Variants in CLN8 observed in about 807,000 individuals in gnomAD.
The protein encoded by CLN8 is protein CLN8.
A neutral mutation model predicts 15.7 loss-of-function variants in CLN8; 14 were observed. The observed-to-expected ratio is 0.89, with a 90% CI of 0.59 to 1.39. The LOEUF is 1.39. Among genes scored for constraint, CLN8 ranks in the 40% most tolerant of loss-of-function variants. The pLI, the probability that CLN8 is intolerant of heterozygous loss-of-function variation, is 0.00. For synonymous variants in CLN8, 188 were observed against 151.0 expected, an observed-to-expected ratio of 1.25 and a Z score of -1.80; for missense variants, 415 against 364.0, an observed-to-expected ratio of 1.14 and a Z score of -1.14.
At chr8:1,757,813 T>C (rs1014952069) in intron 1 of CLN8, among the ~76,000 whole-genome samples, 5 of 152,172 alleles carry the variant, frequency 3.3e-5, no homozygotes, top group African/African-American at 1.2e-4. Flanking sequence ...GATTTAAGGC[T>C]TCTTTGGGTA....
At chr8:1,766,017 C>T (rs1014365911) in intron 1 of CLN8, among the ~76,000 whole-genome samples, 5 of 152,172 alleles carry the variant, frequency 3.3e-5, no homozygotes, top group Admixed American at 2.0e-4. Flanking sequence ...CCCCATAAAC[C>T]GGAGGAGCGC....
rs1174196831 is a variant in CLN8, at chr8:1,783,862, C to T, written c.*3295C>T. On this transcript the variant is annotated 3_prime_UTR_variant, in exon 3 of 3. Coordinates refer to ENST00000331222, the MANE Select transcript of CLN8 (RefSeq NM_018941.4). ...CAAGGTGACGCAACTCGTGAACAGC[C>T]GTGCCTGCCTTGGGCGCAGCCTCCG... 1.3e-5 allele frequency: 2 copies of T among 152,258 alleles called. No homozygotes were observed. The highest frequency in any genetic ancestry group is 2.4e-5 in the African/African-American group (1 of 41,462). The allele number at this position is 152,258 out of a possible 1,614,324, so 9.4% of individuals were successfully genotyped here.
chr8:1,771,645 T>A, intron 2 of CLN8, 48 bp downstream of exon 2: 2 of 1,549,802 alleles, frequency 1.3e-6, no homozygotes, highest in Non-Finnish European at 1.8e-6. Context: ...ACGCATTTAA[T>A]CACTGGCTAC....
chr8:1,785,057 A>T lies in CLN8; in HGVS notation c.*4490A>T, dbSNP rs1228289029. On this transcript the variant is annotated 3_prime_UTR_variant, in exon 3 of 3. Transcript: ENST00000331222. ...TAGCATGCCAAAAGTTTCCTCCATTATGTGCGTGTCAAGTGTTTGACCAGG... is the reference window on the plus strand; with the variant it reads ...TAGCATGCCAAAAGTTTCCTCCATTTTGTGCGTGTCAAGTGTTTGACCAGG... The T allele has an allele frequency of 6.6e-6, 1 of 152,632 alleles. No homozygotes were observed. The highest frequency in any genetic ancestry group is 2.0e-4 in the South Asian group (1 of 4,882). 9.5% of individuals were successfully genotyped at this position (152,632 alleles called of 1,614,324 possible).
intron 2 of CLN8, among the ~76,000 whole-genome samples, chr8:1,772,367 C>T (rs1313304128): frequency 1.3e-5 from 2 of 152,316 alleles, no homozygotes; most frequent in East Asian, 3.9e-4. Flanking sequence ...ATTTGCCTAG[C>T]ACTTTCTTTC....
At chr8:1,775,028 A>G (rs6991783) in intron 2 of CLN8, among the ~76,000 whole-genome samples, 125,078 of 151,810 alleles carry the variant, frequency 0.82, 51,946 homozygotes, top group African/African-American at 0.9. Context: ...GTATATATAC[A>G]TGTGTGTGTA....
intron 2 of CLN8, among the ~76,000 whole-genome samples, chr8:1,777,742 G>T: frequency 6.6e-6 from 1 of 152,102 alleles, no homozygotes; most frequent in African/African-American, 2.4e-5. Flanking sequence ...AGACTTCAGG[G>T]GCAGTAACAG....
exon 1 of CLN8, chr8:1,755,964 T>G (rs1219675599): frequency 6.6e-6 from 1 of 152,214 alleles, no homozygotes; most frequent in Non-Finnish European, 1.5e-5. Flanking sequence ...AATTGGAATT[T>G]TATTTCCTAA....
In CLN8 at chr8:1,771,083, C is replaced by T. The variant is rs1454175058; in HGVS notation, c.29C>T (p.Ser10Leu). 2 of 1,614,056 alleles carry T rather than the reference C, an allele frequency of 1.2e-6. No homozygotes were observed. Among genetic ancestry groups the T allele is most frequent in the Non-Finnish European group, 1.7e-6 (2 of 1,180,028 alleles). ...AATCCTGCGAGCGATGGGGGCACAT[C>T]AGAGAGCATTTTTGACCTGGACTAT... MNPASDGGT[S>L]ESIFDLDYAS... Residue 10 changes from serine (S) to leucine (L), a missense_variant, in exon 2 of 3, where the codon TCA becomes TTA. Transcript: ENST00000331222.
At chr8:1,757,219 G>A (rs1400806057) in intron 1 of CLN8, among the ~76,000 whole-genome samples, 2 of 152,154 alleles carry the variant, frequency 1.3e-5, no homozygotes, top group Non-Finnish European at 2.9e-5. Context: ...CATTGCCGTG[G>A]GGCTGCCCTG....
At chr8:1,763,712 G>A (rs1800908947), upstream of CLN8, 1 of 127,216 alleles carries the variant, frequency 7.9e-6, no homozygotes, top group East Asian at 2.1e-4. Flanking sequence ...GCCTCTCGTA[G>A]CGACGCCCCC....
At chr8:1,762,785 C>G (rs1800832064), upstream of CLN8, 1 of 152,274 alleles carries the variant, frequency 6.6e-6, no homozygotes, top group African/African-American at 2.4e-5. Context: ...ATACCCTCAG[C>G]TCCATTAGCC....
chr8:1,769,835 C>T (rs925150810), intron 1 of CLN8, among the ~76,000 whole-genome samples: 37 of 152,136 alleles, frequency 2.4e-4, no homozygotes, highest in Non-Finnish European at 1.3e-4. Flanking sequence ...AGTGCTGCAT[C>T]AGGCAGAGGA....
At chr8:1,753,991 A>G (rs1800610939), upstream of CLN8, among the ~76,000 whole-genome samples, 1 of 152,170 alleles carries the variant, frequency 6.6e-6, no homozygotes. Context: ...AGGAAAGCAA[A>G]AGGATAAGCT....
In CLN8 at chr8:1,766,560, T is replaced by G. The variant is rs1164618297; in HGVS notation, c.-124+2675T>G. Among the ~76,000 whole-genome samples the G allele has an allele frequency of 6.6e-5, 10 of 151,978 alleles. No individual in the cohort carries two copies. The South Asian group carries it at 2.1e-3, about 32-fold the overall frequency. On this transcript the variant is annotated intron_variant, in intron 1 of 2. Transcript: ENST00000331222. Reference sequence around the variant, plus strand: ...GCTCGCCATCACGCCTGGCTATTTTTTTTTTGTATTTTAGTAGAGACAAGG... The same window carrying G: ...GCTCGCCATCACGCCTGGCTATTTTGTTTTTGTATTTTAGTAGAGACAAGG...
At position 1,783,506 on chromosome 8, in the gene CLN8, C is replaced by A. The variant is rs984465108; in HGVS notation, c.*2939C>A. On this transcript the variant is annotated 3_prime_UTR_variant, in exon 3 of 3. Coordinates refer to ENST00000331222, the MANE Select transcript of CLN8 (RefSeq NM_018941.4). ...GCGCTTTCTCTTTCGATAGTGAAAT[C>A]CTTCTCTATACCTATGTTTTGTTTT... is the stretch of plus-strand genomic sequence containing the variant. The A allele has an allele frequency of 1.3e-5, 2 of 152,218 alleles. No individual in the cohort carries two copies. Among genetic ancestry groups the A allele is most frequent in the Non-Finnish European group, 2.9e-5 (2 of 68,052 alleles). The allele number at this position is 152,218 out of a possible 1,614,324, so 9.4% of individuals were successfully genotyped here.
chr8:1,780,797 G>T lies in CLN8; in HGVS notation c.*230G>T, dbSNP rs759759182. 1.8e-4 allele frequency: 107 copies of T among 590,204 alleles called. No individual in the cohort carries two copies. Among genetic ancestry groups the T allele is most frequent in the Middle Eastern group, 4.4e-4 (1 of 2,252 alleles). The allele number at this position is 590,204 out of a possible 1,614,324, so 36.6% of individuals were successfully genotyped here. ...AGGCTCTGTCAGTTTAGCCGCGCCG[G>T]ACCGTGTCAAGCATCTAGGAGAGGA... On this transcript the variant is annotated 3_prime_UTR_variant, in exon 3 of 3. Coordinates refer to ENST00000331222, the MANE Select transcript of CLN8 (RefSeq NM_018941.4).
chr8:1,778,857 G>A (rs1801612402), intron 2 of CLN8, among the ~76,000 whole-genome samples: 1 of 152,170 alleles, frequency 6.6e-6, no homozygotes, highest in East Asian at 1.9e-4. Flanking sequence ...TCAGGATGGG[G>A]TTACATCCCA....
At chr8:1,774,243 G>T (rs116259845) in intron 2 of CLN8, among the ~76,000 whole-genome samples, 3 of 152,182 alleles carry the variant, frequency 2.0e-5, no homozygotes, top group Non-Finnish European at 4.4e-5. Flanking sequence ...AGCTTTTAGG[G>T]TGCTGTTTGT....
Sources: allele counts gnomAD v4.1 joint callset (sites outside exome capture counted in the v4.1 genomes callset), GRCh38; gene constraint gnomAD v4.1.1; transcripts MANE v1.5; gene names NCBI Gene and HGNC (gene_info 2026-07-23, HGNC 2026-07-21).